STAB1: variants seen among roughly 807,000 people sequenced by gnomAD.
The protein encoded by STAB1 is stabilin-1.
STAB1 carries 250 observed loss-of-function variants against 332.4 expected under a neutral mutation model. That is an observed-to-expected ratio of 0.75 (90% CI 0.68 to 0.84). The LOEUF (loss-of-function observed/expected upper bound fraction) is 0.84. Among genes scored for constraint, STAB1 ranks in the 40% least tolerant of loss-of-function variants. STAB1 has a pLI of 0.00. For synonymous variants in STAB1, 1,475 were observed against 1,390.4 expected (o/e 1.06, Z -1.35); for missense variants, 3,249 against 3,489.7 (o/e 0.93, Z 1.74).
chr3:52,519,426 G>T lies in STAB1; in HGVS notation c.5175+22G>T, dbSNP rs573458533. 4 of 1,612,246 alleles carry T rather than the reference G, an allele frequency of 2.5e-6. No homozygotes were observed. The Admixed American group carries it at 6.7e-5, about 27-fold the overall frequency. On this transcript the variant is annotated intron_variant, in intron 49 of 68. Transcript: ENST00000321725. Reference sequence around the variant, plus strand: ...GAGGGTATGACAAGCACGGGCCTGGGAGCTGGAAGACAGGCAGGTGGGGGC... The same window carrying T: ...GAGGGTATGACAAGCACGGGCCTGGTAGCTGGAAGACAGGCAGGTGGGGGC...
intron 34 of STAB1, 81 bp downstream of exon 34, chr3:52,514,577 G>C (rs1292586968): frequency 1.3e-6 from 2 of 1,549,944 alleles, no homozygotes; most frequent in Non-Finnish European, 1.7e-6. Context: ...TTCCCTAGCT[G>C]TGAGCCTCCA....
In STAB1 at chr3:52,517,102, G is replaced by A; in HGVS notation, c.4482G>A (p.Leu1494=). ...ATGGCTACATGGGCGACGGGGAGCT[G>A]TGCCAGGGTGAGACTAGGCCCCTAA... ...CQDGYMGDGE[L]CQEINSCLIH... is the part of the protein sequence containing the mutation. The change falls in exon 42 of 69, where the codon CTG becomes CTA. Residue 1494 remains leucine (L), a synonymous_variant. Transcript: ENST00000321725. 1.0e-5 allele frequency: 16 copies of A among 1,551,908 alleles called. No individual in the cohort carries two copies. Among genetic ancestry groups the A allele is most frequent in the Non-Finnish European group, 1.4e-5 (16 of 1,149,642 alleles).
intron 6 of STAB1, 120 bp downstream of exon 6, chr3:52,502,847 G>A: frequency 7.9e-7 from 1 of 1,268,992 alleles, no homozygotes; most frequent in Admixed American, 2.1e-5. Flanking sequence ...GCCTAGTTGG[G>A]GAAGGGGTGT....
At position 52,500,769 on chromosome 3, in the gene STAB1, A is replaced by C. The variant is rs182168124; in HGVS notation, c.79-397A>C. Among the ~76,000 whole-genome samples the C allele has an allele frequency of 5.0e-3, 766 of 152,348 alleles. 4 individuals carry two copies. The highest frequency in any genetic ancestry group is 0.023 in the South Asian group (111 of 4,828). ...TTAGTCCCTGGTTCACACCCTGTTC[A>C]TGGATGAGATTGGGTAGCGGCCATG... On this transcript the variant is annotated intron_variant, in intron 1 of 68. Transcript: ENST00000321725.
chr3:52,519,187 T>C, intron 48 of STAB1, 77 bp from the exon 49 acceptor site: 1 of 1,548,566 alleles, frequency 6.5e-7, no homozygotes, highest in Non-Finnish European at 8.7e-7. Context: ...CAACCCAGGT[T>C]CAACCTCCAC....
At chr3:52,501,519 A>T (rs1708440960) in intron 2 of STAB1, 119 bp from the exon 3 acceptor site, 1 of 1,132,654 alleles carries the variant, frequency 8.8e-7, no homozygotes, top group East Asian at 2.6e-5. Flanking sequence ...CCCTGTGCTC[A>T]GCTCTGGGCC....
At chr3:52,504,962 C>G (rs757701538) in intron 12 of STAB1, 41 bp from the exon 13 acceptor site, 5 of 1,612,340 alleles carry the variant, frequency 3.1e-6, no homozygotes, top group Non-Finnish European at 4.2e-6. Context: ...GGACAGGGGG[C>G]TGGCATATGG....
At chr3:52,517,772 T>C in intron 44 of STAB1, 109 bp from the exon 45 acceptor site, 1 of 1,582,792 alleles carries the variant, frequency 6.3e-7, no homozygotes, top group Non-Finnish European at 8.6e-7. Flanking sequence ...CAGTAGCAAA[T>C]AGGATCTGGG....
chr3:52,513,860 C>T (rs200108653), intron 31 of STAB1, 23 bp from the exon 32 acceptor site: 484 of 1,611,882 alleles, frequency 3.0e-4, no homozygotes, highest in Non-Finnish European at 3.7e-4. Context: ...GACATACTGA[C>T]CAGGCCCTGT....
Position 52,522,335 on chromosome 3 carries a change from A to G in STAB1, c.6471A>G (p.Thr2157=). The G allele has an allele frequency of 6.2e-7, 1 of 1,612,858 alleles. No homozygotes were observed. Among genetic ancestry groups the G allele is most frequent in the Non-Finnish European group, 8.5e-7 (1 of 1,179,988 alleles). The change falls in exon 60 of 69, where the codon ACA becomes ACG. Residue 2157 remains threonine (T), a synonymous_variant. Coordinates refer to ENST00000321725, the MANE Select transcript of STAB1 (RefSeq NM_015136.3). ...HANCLSTGLN[T]RRCECHAGYV... ...ACTGCTCTCTCCAACCCCAGAACAC[A>G]CGGCGCTGTGAGTGCCACGCAGGCT...
chr3:52,515,193 C>T (rs2078818660), intron 36 of STAB1, 148 bp downstream of exon 36: 1 of 1,108,108 alleles, frequency 9.0e-7, no homozygotes, highest in Non-Finnish European at 1.3e-6. Flanking sequence ...CCATAGAGGT[C>T]TGGAGGGCTG....
rs1390491907 is a variant in STAB1 at position 52,515,624 on chromosome 3, T to G, written c.3948+118T>G. 1.2e-5 allele frequency: 13 copies of G among 1,080,622 alleles called. No homozygotes were observed. In the East Asian group the frequency reaches 3.2e-4, roughly 27 times the overall value. The allele number at this position is 1,080,622 out of a possible 1,614,324, so 66.9% of individuals were successfully genotyped here. A position where few individuals can be genotyped will look rare whatever the true frequency, so the allele number is the denominator to read the frequency against. ...GACAGAGACTGGGCTGGGACTAGGG[T>G]GAGGCCAGAACCCAGAGGAAGGAGA... On this transcript the variant is annotated intron_variant, in intron 37 of 68. Coordinates refer to ENST00000321725, the MANE Select transcript of STAB1 (RefSeq NM_015136.3).
chr3:52,504,052 G>C lies in STAB1; in HGVS notation c.1047G>C (p.Val349=), dbSNP rs1311316853. Residue 349 remains valine (V), a synonymous_variant, in exon 10 of 69, where the codon GTG becomes GTC. Coordinates refer to ENST00000321725, the MANE Select transcript of STAB1 (RefSeq NM_015136.3). ...KTSCVCRESE[V]GDGRACYGHL... ...GCTGTGTGTGCAGGGAAAGCGAGGT[G>C]GGGGATGGGCGTGCCTGCTACGGAC... 6.3e-7 allele frequency: 1 copy of C among 1,593,866 alleles called. No homozygotes were observed. The highest frequency in any genetic ancestry group is 8.5e-7 in the Non-Finnish European group (1 of 1,170,446).
chr3:52,519,815 G>A (rs2079013341), intron 50 of STAB1, 129 bp from the exon 51 acceptor site: 2 of 1,278,684 alleles, frequency 1.6e-6, no homozygotes, highest in African/African-American at 3.0e-5. Context: ...ACACATGCCT[G>A]CCTGGGATGG....
rs1440800316 is a variant in STAB1, at chr3:52,518,710, G to A, written c.4888-13G>A. ...CAGTCAGGGACCCCACTCCCCTCGCGACTCTGCTCCAGGATGAGCTGGCCC... is the reference window on the plus strand; with the variant it reads ...CAGTCAGGGACCCCACTCCCCTCGCAACTCTGCTCCAGGATGAGCTGGCCC... On this transcript the variant is annotated splice_polypyrimidine_tract_variant and intron_variant, in intron 47 of 68. Transcript: ENST00000321725. 22 of 1,612,056 alleles carry A rather than the reference G, an allele frequency of 1.4e-5. No homozygotes were observed. Among genetic ancestry groups the A allele is most frequent in the Non-Finnish European group, 1.9e-5 (22 of 1,179,536 alleles).
Position 52,521,503 on chromosome 3 carries a change from T to C in STAB1, c.6051T>C (p.His2017=), listed in dbSNP as rs1212420764. ...GTGCTCCTGGTGCCTTTGGGCCCCA[T>C]TGTCAAGGTGGGCCATCCCTGCCTG... ...ELCAPGAFGP[H]CQACRCTVHG... is the part of the protein sequence containing the mutation. Residue 2017 remains histidine (H), a synonymous_variant, in exon 56 of 69, where the codon CAT becomes CAC. Coordinates refer to ENST00000321725, the MANE Select transcript of STAB1 (RefSeq NM_015136.3). 7 of 1,613,842 alleles carry C rather than the reference T, an allele frequency of 4.3e-6. No homozygotes were observed. The highest frequency in any genetic ancestry group is 5.9e-6 in the Non-Finnish European group (7 of 1,180,008).
At chr3:52,501,046 T>C (rs1708406994) in intron 1 of STAB1, 120 bp from the exon 2 acceptor site, 6 of 1,404,632 alleles carry the variant, frequency 4.3e-6, no homozygotes, top group Non-Finnish European at 4.9e-6. Context: ...CTGCTTACTC[T>C]GACCCCTGAG....
chr3:52,504,374 C>A, intron 10 of STAB1, 87 bp from the exon 11 acceptor site: 2 of 1,482,120 alleles, frequency 1.3e-6, no homozygotes, highest in East Asian at 2.3e-5. Context: ...CCCAACTCCC[C>A]CACACCAGGT....
At chr3:52,507,773 G>A (rs1559685888) in intron 19 of STAB1, 98 bp downstream of exon 19, 2 of 1,534,692 alleles carry the variant, frequency 1.3e-6, no homozygotes, top group Non-Finnish European at 9.0e-7. Flanking sequence ...GAGGCTGGGA[G>A]GCTAGATCAC....
Sources: gnomAD v4.1 joint callset for allele counts (sites outside exome capture counted in the v4.1 genomes callset) on GRCh38, gnomAD v4.1.1 for gene constraint, MANE v1.5 for transcripts, NCBI Gene and HGNC (gene_info 2026-07-23, HGNC 2026-07-21) for gene names.